Variants in SLC8A2 observed in about 807,000 individuals in gnomAD.
SLC8A2 encodes sodium/calcium exchanger 2.
In SLC8A2, 14 loss-of-function variants were observed where a neutral mutation model predicts 70.2. The observed-to-expected ratio is 0.20, with a 90% CI of 0.13 to 0.31. SLC8A2 has a LOEUF of 0.31. Ranked by LOEUF, SLC8A2 falls within the 10% of genes least tolerant of loss-of-function variation. The probability of loss-of-function intolerance (pLI) is 1.00; values close to 1 mark genes in which losing one functional copy is unlikely to be tolerated. For missense variants in SLC8A2, 779 were observed against 1,320.1 expected (o/e 0.59, Z 6.35); for synonymous variants, 575 against 594.3 (o/e 0.97, Z 0.47).
chr19:47,430,553 G>A lies in SLC8A2; in HGVS notation c.2390-88C>T, dbSNP rs41275768. On this transcript the variant is annotated intron_variant, in intron 9 of 9. Transcript: ENST00000236877. The surrounding 1 kb of genome is among the most constrained non-coding windows in gnomAD (Gnocchi z 5.9). ...CGCCTGCCCCCTCCCAGCCTTTCCCGGTCGCCTGCTTTCTGCGGGCAGTGT... is the reference window on the plus strand; with the variant it reads ...CGCCTGCCCCCTCCCAGCCTTTCCCAGTCGCCTGCTTTCTGCGGGCAGTGT... 143,485 of 1,387,592 alleles carry A rather than the reference G, an allele frequency of 0.1. 7,760 individuals carry two copies. The highest frequency in any genetic ancestry group is 0.12 in the Middle Eastern group (458 of 3,818). 86.0% of individuals were successfully genotyped at this position (1,387,592 alleles called of 1,614,324 possible).
intron 2 of SLC8A2, among the ~76,000 whole-genome samples, chr19:47,461,701 A>G (rs1488776930): frequency 3.3e-5 from 5 of 152,266 alleles, no homozygotes; most frequent in African/African-American, 4.8e-5. Context: ...GCAAGCTGTG[A>G]AATGAACTCT....
chr19:47,435,923 C>T (rs138840353), intron 8 of SLC8A2, among the ~76,000 whole-genome samples: 3,033 of 152,258 alleles, frequency 0.02, 44 homozygotes, highest in Non-Finnish European at 0.029. Flanking sequence ...GCCCCAGGGG[C>T]TTCCCCCATT....
rs1473120327 is a variant in SLC8A2, at chr19:47,465,080, A to G, written c.675+649T>C. Among the ~76,000 whole-genome samples the G allele has an allele frequency of 1.3e-5, 2 of 152,236 alleles. No individual in the cohort carries two copies. Among genetic ancestry groups the G allele is most frequent in the African/African-American group, 2.4e-5 (1 of 41,466 alleles). On this transcript the variant is annotated intron_variant, in intron 2 of 9. Transcript: ENST00000236877. The surrounding 1 kb of genome is among the most constrained non-coding windows in gnomAD (Gnocchi z 5.5). ...TAAATTATCCCAACATCAGAAATTG[A>G]TGATGAATAATGAATGAATTATGCA...
intron 3 of SLC8A2, among the ~76,000 whole-genome samples, chr19:47,453,485 A>C (rs1967268611): frequency 6.6e-6 from 1 of 152,218 alleles, no homozygotes; most frequent in Non-Finnish European, 1.5e-5. Context: ...AGGTACCTTG[A>C]TAAGGCAATG....
At chr19:47,455,738 GATCTT>G (rs1197036715) in intron 3 of SLC8A2, among the ~76,000 whole-genome samples, 2 of 152,178 alleles carry the variant, frequency 1.3e-5, no homozygotes, top group Non-Finnish European at 2.9e-5. Flanking sequence ...TGAGGACAGA[GATCTT>G]ATCTATCTTG....
In SLC8A2 at chr19:47,457,421, G is replaced by A. The variant is rs778007341; in HGVS notation, c.849C>T (p.Asp283=). ...EGDPPKSIEL[D]GTFVGAEAPG... ...GGGCCTCGGCGCCCACGAACGTGCC[G>A]TCCAGCTCGATGCTCTTCGGGGGGT... The change falls in exon 3 of 10, where the codon GAC becomes GAT. Residue 283 remains aspartate (D), a synonymous_variant. Transcript: ENST00000236877. 2.5e-6 allele frequency: 4 copies of A among 1,595,186 alleles called. No individual in the cohort carries two copies. In the South Asian group the frequency reaches 3.4e-5, roughly 14 times the overall value.
chr19:47,436,028 C>A (rs1393336643), intron 8 of SLC8A2, among the ~76,000 whole-genome samples: 7 of 152,142 alleles, frequency 4.6e-5, no homozygotes. Context: ...CGATTTCCAG[C>A]CTCATCCTGG....
intron 4 of SLC8A2, 63 bp from the exon 5 acceptor site, chr19:47,441,503 G>C: frequency 1.0e-6 from 1 of 974,704 alleles, no homozygotes; most frequent in Non-Finnish European, 1.6e-6. Context: ...AGACTCACCA[G>C]GCAACCCTCC....
At chr19:47,434,521 T>C (rs1488311044) in intron 8 of SLC8A2, among the ~76,000 whole-genome samples, 2 of 152,020 alleles carry the variant, frequency 1.3e-5, no homozygotes, top group African/African-American at 4.8e-5. Flanking sequence ...ACAGAATGAG[T>C]TGGTTCATGT....
Position 47,437,965 on chromosome 19 carries a change from C to G in SLC8A2, c.1894G>C (p.Asp632His). Reference protein sequence around the residue: ...SALLLNQGDGDRKLTAEEEEA... With the variant: ...SALLLNQGDGHRKLTAEEEEA... ...TCCTCCTCGGCTGTTAGCTTCCTGTCCCCATCCCCTGCAGCATGAGGGGTG... is the reference window on the plus strand; with the variant it reads ...TCCTCCTCGGCTGTTAGCTTCCTGTGCCCATCCCCTGCAGCATGAGGGGTG... The change falls in exon 7 of 10, where the codon GAC becomes CAC. Residue 632 changes from aspartate to histidine, a missense_variant. Around this residue, in one of 6 missense-constraint regions of SLC8A2, gnomAD observed 247 missense variants for 362.8 expected, o/e 0.68. Coordinates refer to ENST00000236877, the MANE Select transcript of SLC8A2 (RefSeq NM_015063.3). The G allele has an allele frequency of 6.2e-7, 1 of 1,614,146 alleles. No individual in the cohort carries two copies. Among genetic ancestry groups the G allele is most frequent in the South Asian group, 1.1e-5 (1 of 91,078 alleles).
Position 47,465,748 on chromosome 19 carries a change from A to G in SLC8A2, c.656T>C (p.Phe219Ser). The stretch of plus-strand genomic sequence containing the variant: ...GCTCACCTGGACCACACCGGGGGAA[A>G]AAACAGCAAGGATGAGATAAAGCCA... ...YVWLYLILAV[F>S]SPGVVQVWEA... The change falls in exon 2 of 10, where the codon TTT becomes TCT. Residue 219 changes from phenylalanine (F) to serine (S), a missense_variant. This residue lies in a region of SLC8A2 where 155 missense variants were observed against 318.6 expected (regional missense o/e 0.49). Transcript: ENST00000236877. This position sits in a 1 kb window ranked among gnomAD's most constrained non-coding sequence, Gnocchi z 5.5. The G allele has an allele frequency of 1.2e-6, 2 of 1,611,676 alleles. No individual in the cohort carries two copies. Among genetic ancestry groups the G allele is most frequent in the Admixed American group, 1.7e-5 (1 of 59,776 alleles).
chr19:47,430,913 G>A lies in SLC8A2; in HGVS notation c.2390-448C>T, dbSNP rs1289137894. Among the ~76,000 whole-genome samples, 1 of 152,072 alleles carries A rather than the reference G, an allele frequency of 6.6e-6. No homozygotes were observed. The highest frequency in any genetic ancestry group is 1.5e-5 in the Non-Finnish European group (1 of 68,012). On this transcript the variant is annotated intron_variant, in intron 9 of 9. Transcript: ENST00000236877. The surrounding 1 kb of genome is among the most constrained non-coding windows in gnomAD (Gnocchi z 5.9). Reference sequence around the variant, plus strand: ...AAGATTTTGTGTTTTTAGTAGAGACGGGGTTTCACCATGTTGGCCAGGCTG... The same window carrying A: ...AAGATTTTGTGTTTTTAGTAGAGACAGGGTTTCACCATGTTGGCCAGGCTG...
Position 47,466,481 on chromosome 19 carries a change from T to G in SLC8A2, c.-16-62A>C. On this transcript the variant is annotated intron_variant, in intron 1 of 9. Coordinates refer to ENST00000236877, the MANE Select transcript of SLC8A2 (RefSeq NM_015063.3). This position sits in a 1 kb window ranked among gnomAD's most constrained non-coding sequence, Gnocchi z 6.9. Reference sequence around the variant, plus strand: ...CAAACCTCTTTCTGTCATACAAAGGTCAAAGCTCACTGGGGAAGGAGGGTT... The same window carrying G: ...CAAACCTCTTTCTGTCATACAAAGGGCAAAGCTCACTGGGGAAGGAGGGTT... The G allele has an allele frequency of 1.6e-6, 1 of 623,986 alleles. No individual in the cohort carries two copies. Among genetic ancestry groups the G allele is most frequent in the South Asian group, 2.0e-5 (1 of 49,066 alleles). The allele number at this position is 623,986 out of a possible 1,614,324, so 38.7% of individuals were successfully genotyped here.
At position 47,430,529 on chromosome 19, in the gene SLC8A2, G is replaced by A. The variant is rs1376672067; in HGVS notation, c.2390-64C>T. The A allele has an allele frequency of 4.5e-5, 66 of 1,466,384 alleles. No individual in the cohort carries two copies. Among genetic ancestry groups the A allele is most frequent in the Admixed American group, 6.8e-5 (3 of 43,992 alleles). The allele number at this position is 1,466,384 out of a possible 1,614,324, so 90.8% of individuals were successfully genotyped here. A position where few individuals can be genotyped will look rare whatever the true frequency, so the allele number is the denominator to read the frequency against. ...CCGCCACCCACAGGGGCGGGCATCC[G>A]CCTGCCCCCTCCCAGCCTTTCCCGG... On this transcript the variant is annotated intron_variant, in intron 9 of 9. Coordinates refer to ENST00000236877, the MANE Select transcript of SLC8A2 (RefSeq NM_015063.3). This position sits in a 1 kb window ranked among gnomAD's most constrained non-coding sequence, Gnocchi z 5.9.
intron 6 of SLC8A2, among the ~76,000 whole-genome samples, chr19:47,440,519 C>T (rs1418178249): frequency 1.3e-5 from 2 of 152,182 alleles, no homozygotes; most frequent in Non-Finnish European, 2.9e-5. Flanking sequence ...CTCTGCCTCC[C>T]GGGTTCAAGC....
chr19:47,464,727 CAT>C (rs531644515), intron 2 of SLC8A2, among the ~76,000 whole-genome samples: 37 of 152,308 alleles, frequency 2.4e-4, no homozygotes, highest in African/African-American at 5.3e-4. Flanking sequence ...AGATTACACA[CAT>C]GTGTGAATGA....
At chr19:47,451,310 T>G (rs1967232522) in intron 3 of SLC8A2, among the ~76,000 whole-genome samples, 1 of 145,326 alleles carries the variant, frequency 6.9e-6, no homozygotes, top group African/African-American at 2.8e-5. Flanking sequence ...GCCCAGACCT[T>G]TTTTTTGTTT....
In SLC8A2 at chr19:47,457,118, G is replaced by T; in HGVS notation, c.1152C>A (p.Gly384=). The T allele has an allele frequency of 2.6e-6, 4 of 1,548,474 alleles. No individual in the cohort carries two copies. Among genetic ancestry groups the T allele is most frequent in the Non-Finnish European group, 3.5e-6 (4 of 1,146,898 alleles). The change falls in exon 3 of 10, where the codon GGC becomes GGA. Residue 384 remains glycine, a synonymous_variant. Transcript: ENST00000236877. Reference sequence around the variant, plus strand: ...CGCCGTCGTCTTCGTCCTCGCCCGCGCCCTCGGCCGGCGCCGCCCTGCGCG... The same window carrying T: ...CGCCGTCGTCTTCGTCCTCGCCCGCTCCCTCGGCCGGCGCCGCCCTGCGCG... The part of the protein sequence containing the change: ...DASRRAAPAE[G]AGEDEDDGAS...
At chr19:47,434,209 A>G (rs698705) in intron 8 of SLC8A2, among the ~76,000 whole-genome samples, 16,027 of 152,260 alleles carry the variant, frequency 0.11, 897 homozygotes, top group Middle Eastern at 0.16. Flanking sequence ...TTACCGCATC[A>G]CTATGTCAGT....
Sources: allele counts gnomAD v4.1 joint callset (sites outside exome capture counted in the v4.1 genomes callset), GRCh38; gene constraint gnomAD v4.1.1; regional missense constraint gnomAD v4.1.1; non-coding constraint Gnocchi (gnomAD v3.1); transcripts MANE v1.5; gene names NCBI Gene and HGNC (gene_info 2026-07-23, HGNC 2026-07-21).